The following CFAP90 variants were observed in gnomAD, a reference collection of about 807,000 sequenced individuals.
CFAP90 encodes the protein cilia and flagella associated protein 90, also known as cilia- and flagella-associated protein 90.
At chr5:7,850,292 G>T in the CFAP90 span, among the ~76,000 whole-genome samples, 22 of 122,822 alleles carry the variant, frequency 1.8e-4, no homozygotes, top group South Asian at 4.4e-3. Context: ...GCTCCCACCC[G>T]GCCCCCTCCA....
chr5:7,845,546 T>A, the CFAP90 span, among the ~76,000 whole-genome samples: 2 of 152,216 alleles, frequency 1.3e-5, no homozygotes, highest in South Asian at 4.1e-4. Context: ...CCAGTTATAA[T>A]TGCTTTAAAT....
chr5:7,835,887 G>A, the CFAP90 span, among the ~76,000 whole-genome samples: 1 of 152,128 alleles, frequency 6.6e-6, no homozygotes, highest in African/African-American at 2.4e-5. Flanking sequence ...TATAGACTGG[G>A]TGACTTATAG....
At chr5:7,840,167 C>T in the CFAP90 span, among the ~76,000 whole-genome samples, 1 of 152,112 alleles carries the variant, frequency 6.6e-6, no homozygotes, top group African/African-American at 2.4e-5. Context: ...CATTTTTCAC[C>T]TTGTGATCTC....
the CFAP90 span, among the ~76,000 whole-genome samples, chr5:7,838,907 G>A: frequency 1.3e-5 from 2 of 152,198 alleles, no homozygotes; most frequent in African/African-American, 4.8e-5. Flanking sequence ...CTCCCTGCAG[G>A]TGGGCAGCCA....
the CFAP90 span, among the ~76,000 whole-genome samples, chr5:7,849,231 A>T: frequency 6.6e-6 from 1 of 152,214 alleles, no homozygotes; most frequent in African/African-American, 2.4e-5. Flanking sequence ...TCTGTTGGTG[A>T]GGCTGTCCAA....
At chr5:7,843,423 T>G in the CFAP90 span, among the ~76,000 whole-genome samples, 3 of 152,212 alleles carry the variant, frequency 2.0e-5, no homozygotes, top group Non-Finnish European at 4.4e-5. Context: ...ATATCACAAG[T>G]TTTAGAAATT....
the CFAP90 span, among the ~76,000 whole-genome samples, chr5:7,840,489 A>C: frequency 6.6e-6 from 1 of 152,234 alleles, no homozygotes; most frequent in African/African-American, 2.4e-5. Flanking sequence ...AACCACAGAA[A>C]AATATAAATG....
chr5:7,851,032 T>C, the CFAP90 span: 1 of 1,243,196 alleles, frequency 8.0e-7, no homozygotes. Context: ...GCCGCCACCG[T>C]CCAGCGCCCC....
the CFAP90 span, among the ~76,000 whole-genome samples, chr5:7,850,501 C>T: frequency 1.3e-5 from 2 of 151,472 alleles, no homozygotes; most frequent in Non-Finnish European, 3.0e-5. Flanking sequence ...CGCATCCCTG[C>T]CCCCAGGCCC....
the CFAP90 span, among the ~76,000 whole-genome samples, chr5:7,841,804 C>T: frequency 6.6e-6 from 1 of 152,046 alleles, no homozygotes; most frequent in Non-Finnish European, 1.5e-5. Flanking sequence ...GGGGGGTGGG[C>T]AACACACACT....
the CFAP90 span, among the ~76,000 whole-genome samples, chr5:7,845,175 T>G: frequency 6.6e-6 from 1 of 152,076 alleles, no homozygotes; most frequent in African/African-American, 2.4e-5. Context: ...AGGACTCACT[T>G]ACTATCATGA....
chr5:7,834,626 A>T, the CFAP90 span, among the ~76,000 whole-genome samples: 1 of 152,156 alleles, frequency 6.6e-6, no homozygotes, highest in Non-Finnish European at 1.5e-5. Flanking sequence ...TGCAAGCTTC[A>T]TTCATGGTAA....
At chr5:7,835,296 AAAGTG>A in the CFAP90 span, 32 of 750,536 alleles carry the variant, frequency 4.3e-5, no homozygotes, top group Non-Finnish European at 6.2e-5. Context: ...GAAGCCTAAT[AAAGTG>A]AAGTGTAATA....
chr5:7,838,065 T>C, the CFAP90 span, among the ~76,000 whole-genome samples: 2 of 152,324 alleles, frequency 1.3e-5, no homozygotes, highest in South Asian at 2.1e-4. Context: ...TATAGCTATG[T>C]ACCCATAGGA....
the CFAP90 span, among the ~76,000 whole-genome samples, chr5:7,839,385 G>T: frequency 6.6e-6 from 1 of 152,192 alleles, no homozygotes; most frequent in Non-Finnish European, 1.5e-5. Flanking sequence ...ATTTTCTTCT[G>T]CACAGTGCTT....
the CFAP90 span, chr5:7,835,621 G>A: frequency 1.6e-6 from 1 of 616,844 alleles, no homozygotes; most frequent in Non-Finnish European, 2.9e-6. Context: ...TGAGTATGTG[G>A]TAGGAAAGTT....
At chr5:7,837,461 G>A in the CFAP90 span, among the ~76,000 whole-genome samples, 1 of 152,160 alleles carries the variant, frequency 6.6e-6, no homozygotes, top group Non-Finnish European at 1.5e-5. Flanking sequence ...ATGCTAGAAT[G>A]ATTCCCTCCA....
chr5:7,845,663 G>T, the CFAP90 span, among the ~76,000 whole-genome samples: 1 of 152,166 alleles, frequency 6.6e-6, no homozygotes, highest in Non-Finnish European at 1.5e-5. Context: ...GGCAGAAGAA[G>T]AAAAAAGTAA....
chr5:7,846,596 G>A, the CFAP90 span, among the ~76,000 whole-genome samples: 2 of 152,080 alleles, frequency 1.3e-5, no homozygotes, highest in African/African-American at 2.4e-5. Flanking sequence ...CCAAAGGCCC[G>A]CCTCCTAATA....
Sources: allele counts gnomAD v4.1 joint callset (sites outside exome capture counted in the v4.1 genomes callset), GRCh38; gene constraint gnomAD v4.1.1; transcripts MANE v1.5; gene names NCBI Gene and HGNC (gene_info 2026-07-23, HGNC 2026-07-21).